Variants in LHX1 observed in about 807,000 individuals in gnomAD.
LHX1 encodes LIM/homeobox protein Lhx1.
Under a neutral mutation model 34.1 loss-of-function variants are expected in LHX1, and 9 were observed. The observed-to-expected ratio is 0.26, with a 90% CI of 0.16 to 0.46. The LOEUF (loss-of-function observed/expected upper bound fraction) is 0.46, where lower values mean the gene tolerates loss of function less well. LHX1 is among the 20% of genes least tolerant of loss of function. LHX1 has a pLI of 1.00. For missense variants in LHX1, 446 were observed against 559.1 expected, an observed-to-expected ratio of 0.80 and a Z score of 2.04; for synonymous variants, 254 against 241.5, an observed-to-expected ratio of 1.05 and a Z score of -0.48.
At position 36,943,099 on chromosome 17, in the gene LHX1, C is replaced by A. The variant is rs1210191420; in HGVS notation, c.1189C>A (p.Pro397Thr). 9.3e-6 allele frequency: 15 copies of A among 1,612,172 alleles called. No homozygotes were observed. The highest frequency in any genetic ancestry group is 2.7e-5 in the African/African-American group (2 of 74,872). The change falls in exon 5 of 5, where the codon CCC (proline) becomes ACC (threonine). Residue 397 changes from proline (P) to threonine (T), a missense_variant. Physicochemically the swap from Pro to Thr is conservative, Grantham distance 38. Around this residue, in one of 3 missense-constraint regions of LHX1, gnomAD observed 235 missense variants for 224.4 expected, o/e 1.05. Coordinates refer to ENST00000614239, the MANE Select transcript of LHX1 (RefSeq NM_005568.5). ...GASYGNHLSH[P>T]PEMNEAAVW ...GAGCTACGGAAACCACCTGTCCCACCCCCCCGAAATGAACGAGGCGGCCGT... is the reference window on the plus strand; with the variant it reads ...GAGCTACGGAAACCACCTGTCCCACACCCCCGAAATGAACGAGGCGGCCGT...
In LHX1 at chr17:36,943,038, C is replaced by T; in HGVS notation, c.1128C>T (p.Ser376=). ...TGTCGGCCGAGGTCTTCGGACCCAG[C>T]CCGCCCTTCTCGTCGCTGTCGGTCA... ...HSMSAEVFGP[S]PPFSSLSVNG... Residue 376 remains serine (S), a synonymous_variant, in exon 5 of 5, where the codon AGC becomes AGT. Coordinates refer to ENST00000614239, the MANE Select transcript of LHX1 (RefSeq NM_005568.5). The T allele has an allele frequency of 6.2e-7, 1 of 1,606,476 alleles. No individual in the cohort carries two copies.
At position 36,940,794 on chromosome 17, in the gene LHX1, G is replaced by A. The variant is rs1322542689; in HGVS notation, c.582G>A (p.Thr194=). The A allele has an allele frequency of 1.9e-6, 3 of 1,612,284 alleles. No homozygotes were observed. Among genetic ancestry groups the A allele is most frequent in the African/African-American group, 1.3e-5 (1 of 75,058 alleles). The change falls in exon 3 of 5, where the codon ACG becomes ACA. Residue 194 remains threonine, a synonymous_variant. Transcript: ENST00000614239. The part of the protein sequence containing the change: ...RTTIKAKQLE[T]LKAAFAATPK... ...CCATCAAAGCCAAGCAGCTGGAGAC[G>A]CTGAAGGCCGCCTTCGCTGCTACAC...
In LHX1 at chr17:36,940,480, A is replaced by G. The variant is rs200877362; in HGVS notation, c.361A>G (p.Asn121Asp). The G allele has an allele frequency of 6.2e-7, 1 of 1,614,068 alleles. No individual in the cohort carries two copies. Among genetic ancestry groups the G allele is most frequent in the East Asian group, 2.2e-5 (1 of 44,886 alleles). Residue 121 changes from asparagine to aspartate, a missense_variant, in exon 2 of 5, where the codon AAC becomes GAC. By Grantham distance (23) the Asn-to-Asp change is conservative. Around this residue, in one of 3 missense-constraint regions of LHX1, gnomAD observed 168 missense variants for 226.6 expected, o/e 0.74. Coordinates refer to ENST00000614239, the MANE Select transcript of LHX1 (RefSeq NM_005568.5). ...KFVCKEDYLS[N>D]SSVAKENSLH... ...CGTCTGCAAAGAGGATTACCTAAGT[A>G]ACAGCAGTGTTGCCAAAGAGAACAG...
Position 36,943,140 on chromosome 17 carries a change from C to T in LHX1, c.*9C>T, listed in dbSNP as rs1318351827. ...AGGCGGCCGTGTGGTAGCGGGGTCT[C>T]GCACGGTCTGCGGAGTTCGTGGTTG... On this transcript the variant is annotated 3_prime_UTR_variant, in exon 5 of 5. Transcript: ENST00000614239. 3 of 1,611,972 alleles carry T rather than the reference C, an allele frequency of 1.9e-6. No individual in the cohort carries two copies. The highest frequency in any genetic ancestry group is 2.2e-5 in the East Asian group (1 of 44,838).
intron 1 of LHX1, among the ~76,000 whole-genome samples, chr17:36,939,058 C>T (rs747068903): frequency 2.0e-5 from 3 of 152,224 alleles, no homozygotes; most frequent in Non-Finnish European, 2.9e-5. Flanking sequence ...CCGACTCCCA[C>T]GGGCTCCGCT....
chr17:36,943,554 T>A lies in LHX1; in HGVS notation c.*423T>A. The A allele has an allele frequency of 5.9e-6, 1 of 168,908 alleles. No individual in the cohort carries two copies. The highest frequency in any genetic ancestry group is 1.3e-5 in the Non-Finnish European group (1 of 79,356). 10.5% of individuals were successfully genotyped at this position (168,908 alleles called of 1,614,324 possible). On this transcript the variant is annotated 3_prime_UTR_variant, in exon 5 of 5. Transcript: ENST00000614239. ...CGTGAGCACAGCCGGGTGAAGGAAGTGAAGCGGCCCAGGGCGCTCCCGGGC... is the reference window on the plus strand; with the variant it reads ...CGTGAGCACAGCCGGGTGAAGGAAGAGAAGCGGCCCAGGGCGCTCCCGGGC...
Position 36,943,298 on chromosome 17 carries a change from G to T in LHX1, c.*167G>T. On this transcript the variant is annotated 3_prime_UTR_variant, in exon 5 of 5. Transcript: ENST00000614239. ...GGATGGAAAAGGGGGACACGAAATA[G>T]GATCCAAATCGGCCTCGAGGTGGGA... 1.2e-6 allele frequency: 1 copy of T among 843,460 alleles called. No individual in the cohort carries two copies. Among genetic ancestry groups the T allele is most frequent in the Non-Finnish European group, 1.8e-6 (1 of 569,802 alleles). The allele number at this position is 843,460 out of a possible 1,614,324, so 52.2% of individuals were successfully genotyped here. A position where few individuals can be genotyped will look rare whatever the true frequency, so the allele number is the denominator to read the frequency against.
rs779346610 is a variant in LHX1, at chr17:36,938,220, A to G, written c.23A>G (p.Lys8Arg). ...ACCATGGTTCACTGTGCCGGCTGCA[A>G]AAGGCCCATCCTGGACCGCTTTCTC... MVHCAGC[K>R]RPILDRFLLN... Residue 8 changes from lysine to arginine, a missense_variant, in exon 1 of 5, where the codon AAA (lysine) becomes AGA (arginine). By Grantham distance (26) the Lys-to-Arg change is conservative (BLOSUM62 2). Around this residue, in one of 3 missense-constraint regions of LHX1, gnomAD observed 168 missense variants for 226.6 expected, o/e 0.74. Coordinates refer to ENST00000614239, the MANE Select transcript of LHX1 (RefSeq NM_005568.5). 1.1e-5 allele frequency: 18 copies of G among 1,613,822 alleles called. No homozygotes were observed. The highest frequency in any genetic ancestry group is 1.7e-4 in the Middle Eastern group (1 of 5,982).
At position 36,938,035 on chromosome 17, in the gene LHX1, C is replaced by G. The variant is rs932458727; in HGVS notation, c.-163C>G. 2 of 687,470 alleles carry G rather than the reference C, an allele frequency of 2.9e-6. No individual in the cohort carries two copies. Among genetic ancestry groups the G allele is most frequent in the Non-Finnish European group, 2.5e-6 (1 of 395,976 alleles). The allele number at this position is 687,470 out of a possible 1,614,324, so 42.6% of individuals were successfully genotyped here. ...GCCCCGATCAGCCTCGTTTCCTCCA[C>G]CCTACTTTGATTTCCTGGTGCGAGT... On this transcript the variant is annotated 5_prime_UTR_variant, in exon 1 of 5. Coordinates refer to ENST00000614239, the MANE Select transcript of LHX1 (RefSeq NM_005568.5).
intron 1 of LHX1, among the ~76,000 whole-genome samples, chr17:36,939,518 C>T (rs931455763): frequency 6.6e-6 from 1 of 152,222 alleles, no homozygotes; most frequent in East Asian, 1.9e-4. Context: ...GGAGAACGCG[C>T]AGGCTGAGCC....
At chr17:36,938,877 C>T (rs1050036092) in intron 1 of LHX1, 17 of 274,564 alleles carry the variant, frequency 6.2e-5, no homozygotes, top group Admixed American at 2.5e-4. Context: ...GGAAAGAACT[C>T]GGCCTTAAAG....
intron 3 of LHX1, chr17:36,941,359 C>T: frequency 2.9e-6 from 1 of 345,230 alleles, no homozygotes; most frequent in South Asian, 2.2e-5. Context: ...TCAGGGACTT[C>T]CCCTCCAAAG....
chr17:36,938,477 A>C (rs2070743930), intron 1 of LHX1, 110 bp downstream of exon 1: 1 of 1,159,886 alleles, frequency 8.6e-7, no homozygotes, highest in African/African-American at 1.5e-5. Flanking sequence ...AACTGCTTCT[A>C]GAGAGGGCAG....
intron 3 of LHX1, among the ~76,000 whole-genome samples, chr17:36,941,930 G>A (rs1345009871): frequency 6.6e-6 from 1 of 152,142 alleles, no homozygotes; most frequent in Non-Finnish European, 1.5e-5. Context: ...GTGACTGTTA[G>A]AAAAACTCCA....
chr17:36,943,295 A>C lies in LHX1; in HGVS notation c.*164A>C. 2 of 845,506 alleles carry C rather than the reference A, an allele frequency of 2.4e-6. No homozygotes were observed. Among genetic ancestry groups the C allele is most frequent in the South Asian group, 2.0e-5 (1 of 49,850 alleles). The allele number at this position is 845,506 out of a possible 1,614,324, so 52.4% of individuals were successfully genotyped here. A position where few individuals can be genotyped will look rare whatever the true frequency, so the allele number is the denominator to read the frequency against. On this transcript the variant is annotated 3_prime_UTR_variant, in exon 5 of 5. Coordinates refer to ENST00000614239, the MANE Select transcript of LHX1 (RefSeq NM_005568.5). Reference sequence around the variant, plus strand: ...ACCGGATGGAAAAGGGGGACACGAAATAGGATCCAAATCGGCCTCGAGGTG... The same window carrying C: ...ACCGGATGGAAAAGGGGGACACGAACTAGGATCCAAATCGGCCTCGAGGTG...
At chr17:36,942,440 G>C in intron 4 of LHX1, 75 bp downstream of exon 4, 2 of 1,446,856 alleles carry the variant, frequency 1.4e-6, no homozygotes, top group Non-Finnish European at 1.9e-6. Context: ...AGCGCGGGGG[G>C]GCACGCCTCG....
Position 36,943,926 on chromosome 17 carries a change from A to C in LHX1, c.*795A>C, listed in dbSNP as rs1015107212. 1 of 47,722 alleles carries C rather than the reference A, an allele frequency of 2.1e-5. No homozygotes were observed. The highest frequency in any genetic ancestry group is 5.0e-5 in the Non-Finnish European group (1 of 20,174). 3.0% of individuals were successfully genotyped at this position (47,722 alleles called of 1,614,324 possible). A position where few individuals can be genotyped will look rare whatever the true frequency, so the allele number is the denominator to read the frequency against. On this transcript the variant is annotated 3_prime_UTR_variant, in exon 5 of 5. Coordinates refer to ENST00000614239, the MANE Select transcript of LHX1 (RefSeq NM_005568.5). ...GAAAAGTATTCTACCTTCACACACA[A>C]AAAGTTAAAAAAAAAAAAAAAGACT... is the stretch of plus-strand genomic sequence containing the variant.
rs934400851 is a variant in LHX1, at chr17:36,944,058, T to A, written c.*927T>A. 5.9e-5 allele frequency: 9 copies of A among 152,344 alleles called. No individual in the cohort carries two copies. Among genetic ancestry groups the A allele is most frequent in the African/African-American group, 2.2e-4 (9 of 41,578 alleles). The allele number at this position is 152,344 out of a possible 1,614,324, so 9.4% of individuals were successfully genotyped here. On this transcript the variant is annotated 3_prime_UTR_variant, in exon 5 of 5. Coordinates refer to ENST00000614239, the MANE Select transcript of LHX1 (RefSeq NM_005568.5). The stretch of plus-strand genomic sequence containing the variant: ...ACCTCTTGTTCGAAAACAAAATGTT[T>A]TGAGCAATCAACCAAAATTGTTCCT...
At chr17:36,937,154 G>T, upstream of LHX1, 1 of 436,130 alleles carries the variant, frequency 2.3e-6, no homozygotes. Context: ...GGGGTTAGAC[G>T]GAGGCAGACA....
Sources: allele counts gnomAD v4.1 joint callset (sites outside exome capture counted in the v4.1 genomes callset), GRCh38; gene constraint gnomAD v4.1.1; regional missense constraint gnomAD v4.1.1; transcripts MANE v1.5; gene names NCBI Gene and HGNC (gene_info 2026-07-23, HGNC 2026-07-21).